Variants in NALF1 observed in about 807,000 individuals in gnomAD.
The protein encoded by NALF1 is family with sequence similarity 155 member A.
NALF1 carries 3 observed loss-of-function variants against 48.4 expected under a neutral mutation model. The observed-to-expected ratio is 0.06, with a 90% CI of 0.03 to 0.16. NALF1 has a LOEUF of 0.16. Ranked by LOEUF, NALF1 falls within the 10% of genes least tolerant of loss-of-function variation. The probability of loss-of-function intolerance (pLI) is 1.00; values close to 1 mark genes in which losing one functional copy is unlikely to be tolerated. For missense variants in NALF1, 526 were observed against 571.5 expected, an observed-to-expected ratio of 0.92 and a Z score of 0.81; for synonymous variants, 262 against 245.7, an observed-to-expected ratio of 1.07 and a Z score of -0.62.
intron 1 of NALF1, among the ~76,000 whole-genome samples, chr13:107,537,554 A>G (rs1178625767): frequency 6.6e-6 from 1 of 152,116 alleles, no homozygotes; most frequent in Non-Finnish European, 1.5e-5. Flanking sequence ...TTGTCGTCTT[A>G]TATCGGAATG....
At chr13:107,540,469 C>T (rs1876969678) in intron 1 of NALF1, among the ~76,000 whole-genome samples, 1 of 151,994 alleles carries the variant, frequency 6.6e-6, no homozygotes. Flanking sequence ...CCTAAAGTTG[C>T]ATTCTTGATT....
chr13:107,652,115 G>A (rs1027355418), intron 1 of NALF1, among the ~76,000 whole-genome samples: 13 of 152,180 alleles, frequency 8.5e-5, no homozygotes, highest in East Asian at 3.9e-4. Flanking sequence ...AAAAAAAGAC[G>A]GAGTACTCTT....
chr13:107,254,062 A>AAAAAAAAAAAATATATATATATATAT, intron 1 of NALF1, among the ~76,000 whole-genome samples: 29 of 138,678 alleles, frequency 2.1e-4, no homozygotes, highest in African/African-American at 7.8e-4. Flanking sequence ...CAAGTACTAA[A>AAAAAAAAAAAATATATATATATATAT]ATATATATAT....
intron 1 of NALF1, among the ~76,000 whole-genome samples, chr13:107,734,401 T>TAA (rs67690511): frequency 0.026 from 3,807 of 146,512 alleles, 61 homozygotes; most frequent in African/African-American, 0.049. Context: ...ATTTTTCCTT[T>TAA]AAAAAAAAAC....
At chr13:107,602,373 A>T (rs1878954134) in intron 1 of NALF1, among the ~76,000 whole-genome samples, 1 of 152,102 alleles carries the variant, frequency 6.6e-6, no homozygotes, top group Admixed American at 6.5e-5. Context: ...ACTCGACTAA[A>T]ATAACATCTG....
In NALF1 at chr13:107,781,519, C is replaced by A. The variant is rs989873984; in HGVS notation, c.915+84163G>T. On this transcript the variant is annotated intron_variant, in intron 1 of 2. Transcript: ENST00000375915. Reference sequence around the variant, plus strand: ...AACTCCAGGGGCTATTTAAATTTATCCACATCTATCCTTCCCTTACTAATA... The same window carrying A: ...AACTCCAGGGGCTATTTAAATTTATACACATCTATCCTTCCCTTACTAATA... Among the ~76,000 whole-genome samples, 6 of 152,016 alleles carry A rather than the reference C, an allele frequency of 3.9e-5. No individual in the cohort carries two copies. In the East Asian group the frequency reaches 1.2e-3, roughly 29 times the overall value.
chr13:107,475,218 C>T (rs1233669109), intron 1 of NALF1, among the ~76,000 whole-genome samples: 1 of 152,178 alleles, frequency 6.6e-6, no homozygotes, highest in Non-Finnish European at 1.5e-5. Flanking sequence ...ATTCATTGAA[C>T]ACATGTGGAA....
chr13:107,658,252 T>C (rs1594189007), intron 1 of NALF1, among the ~76,000 whole-genome samples: 2 of 99,352 alleles, frequency 2.0e-5, no homozygotes, highest in African/African-American at 6.6e-5. Context: ...TTCTTATCTA[T>C]CTTTAATTTT....
At chr13:107,317,532 A>C (rs570362268) in intron 1 of NALF1, among the ~76,000 whole-genome samples, 2 of 152,192 alleles carry the variant, frequency 1.3e-5, no homozygotes, top group Non-Finnish European at 2.9e-5. Context: ...TCTATCCCCA[A>C]ATTCTGATAC....
chr13:107,643,410 A>G (rs1383109680), intron 1 of NALF1, among the ~76,000 whole-genome samples: 1 of 152,104 alleles, frequency 6.6e-6, no homozygotes, highest in East Asian at 1.9e-4. Context: ...CAAAACTGGA[A>G]TATGACACAG....
intron 1 of NALF1, among the ~76,000 whole-genome samples, chr13:107,479,700 A>G (rs146620385): frequency 1.3e-5 from 2 of 152,308 alleles, no homozygotes; most frequent in Non-Finnish European, 2.9e-5. Flanking sequence ...CCACCAATTA[A>G]TATCCAGACT....
Position 107,443,121 on chromosome 13 carries a change from A to G in NALF1, c.916-232366T>C, listed in dbSNP as rs117205189. Among the ~76,000 whole-genome samples the G allele has an allele frequency of 7.0e-3, 1,062 of 152,318 alleles. 38 individuals carry two copies. In the East Asian group the frequency reaches 0.11, roughly 16 times the overall value. On this transcript the variant is annotated intron_variant, in intron 1 of 2. Transcript: ENST00000375915. ...ACCTCAGAAAGAAAAATTCATTACA[A>G]TAGTATCAGAAACATTACAACATAA...
intron 1 of NALF1, among the ~76,000 whole-genome samples, chr13:107,461,388 G>T (rs1052800225): frequency 6.6e-6 from 1 of 152,092 alleles, no homozygotes; most frequent in Non-Finnish European, 1.5e-5. Flanking sequence ...CACATCTAAT[G>T]TCATTTATGA....
Position 107,866,611 on chromosome 13 carries a change from C to G in NALF1, c.-15G>C. 6.3e-7 allele frequency: 1 copy of G among 1,583,520 alleles called. No homozygotes were observed. Among genetic ancestry groups the G allele is most frequent in the Non-Finnish European group, 8.5e-7 (1 of 1,170,778 alleles). On this transcript the variant is annotated 5_prime_UTR_variant, in exon 1 of 3. Transcript: ENST00000375915. The surrounding 1 kb of genome is among the most constrained non-coding windows in gnomAD (Gnocchi z 4.4). ...CCCCTGGTCATATTTTGGGAACGCA[C>G]AGCCCTGGCCGACTCCACCGTGAGG...
At chr13:107,636,602 C>G (rs2138453742) in intron 1 of NALF1, among the ~76,000 whole-genome samples, 1 of 152,150 alleles carries the variant, frequency 6.6e-6, no homozygotes, top group Non-Finnish European at 1.5e-5. Flanking sequence ...GCAACAGATG[C>G]TTCTTACTTT....
At chr13:107,616,441 A>G (rs1033234672) in intron 1 of NALF1, among the ~76,000 whole-genome samples, 2 of 152,208 alleles carry the variant, frequency 1.3e-5, no homozygotes, top group Non-Finnish European at 2.9e-5. Context: ...TACAGGTTGT[A>G]AGCAGAACTT....
chr13:107,388,418 G>C (rs1307799300), intron 1 of NALF1, among the ~76,000 whole-genome samples: 1 of 152,154 alleles, frequency 6.6e-6, no homozygotes, highest in African/African-American at 2.4e-5. Flanking sequence ...AGCTATGCTG[G>C]TGCATAAATC....
intron 1 of NALF1, among the ~76,000 whole-genome samples, chr13:107,237,653 T>A (rs1880380234): frequency 6.6e-6 from 1 of 152,208 alleles, no homozygotes; most frequent in Non-Finnish European, 1.5e-5. Flanking sequence ...GAAAAATGCC[T>A]GTACATGTTC....
At chr13:107,328,026 T>C (rs1483650247) in intron 1 of NALF1, among the ~76,000 whole-genome samples, 1 of 151,884 alleles carries the variant, frequency 6.6e-6, no homozygotes, top group African/African-American at 2.4e-5. Context: ...GCTCAGGTGA[T>C]CCTCCCACCT....
Sources: gnomAD v4.1 joint callset for allele counts (sites outside exome capture counted in the v4.1 genomes callset) on GRCh38, gnomAD v4.1.1 for gene constraint, Gnocchi (gnomAD v3.1) non-coding constraint, MANE v1.5 for transcripts, NCBI Gene and HGNC (gene_info 2026-07-23, HGNC 2026-07-21) for gene names.